HCN1: variants seen among roughly 807,000 people sequenced by gnomAD.
The protein encoded by HCN1 is potassium/sodium hyperpolarization-activated cyclic nucleotide-gated channel 1.
A neutral mutation model predicts 78.9 loss-of-function variants in HCN1; 13 were observed. The observed-to-expected ratio is 0.16, with a 90% confidence interval of 0.11 to 0.26. HCN1 has a LOEUF of 0.26. HCN1 is among the 10% of genes least tolerant of loss of function. HCN1 has a pLI of 1.00. For synonymous variants in HCN1, 552 were observed against 455.5 expected (o/e 1.21, Z -2.70); for missense variants, 810 against 1,154.3 (o/e 0.70, Z 4.32).
chr5:45,347,653 T>A (rs1167241266), intron 5 of HCN1, among the ~76,000 whole-genome samples: 1 of 151,780 alleles, frequency 6.6e-6, no homozygotes, highest in Non-Finnish European at 1.5e-5. Context: ...GAATAACCAA[T>A]ATAGAGAAGT....
chr5:45,635,172 A>G (rs1370859559), intron 2 of HCN1, among the ~76,000 whole-genome samples: 1 of 152,090 alleles, frequency 6.6e-6, no homozygotes, highest in African/African-American at 2.4e-5. Flanking sequence ...TTATATAAAT[A>G]TGCTCTTTAG....
chr5:45,381,485 T>C (rs1016145795), intron 4 of HCN1, among the ~76,000 whole-genome samples: 8 of 152,148 alleles, frequency 5.3e-5, no homozygotes, highest in African/African-American at 1.9e-4. Flanking sequence ...CTCTCATTCA[T>C]GTAAAGTTAG....
chr5:45,431,949 A>G (rs138674107), intron 3 of HCN1, among the ~76,000 whole-genome samples: 79 of 152,294 alleles, frequency 5.2e-4, no homozygotes, highest in Non-Finnish European at 7.8e-4. Context: ...ATTTTAAAAT[A>G]GCTTTTTTCT....
intron 1 of HCN1, among the ~76,000 whole-genome samples, chr5:45,654,520 T>C (rs1745732071): frequency 6.6e-6 from 1 of 152,144 alleles, no homozygotes; most frequent in African/African-American, 2.4e-5. Flanking sequence ...ATACTGTCAG[T>C]GGTCATGTCG....
intron 1 of HCN1, among the ~76,000 whole-genome samples, chr5:45,693,615 A>G (rs1349940754): frequency 2.0e-5 from 3 of 152,102 alleles, no homozygotes. Context: ...TATTAAAGAG[A>G]TATTTTGTCT....
chr5:45,344,747 G>A (rs189586398), intron 5 of HCN1, among the ~76,000 whole-genome samples: 4 of 152,328 alleles, frequency 2.6e-5, no homozygotes, highest in Admixed American at 2.6e-4. Context: ...CTCTATCCCT[G>A]TGGTTTTGCA....
chr5:45,271,309 G>T (rs1744954220), intron 6 of HCN1, among the ~76,000 whole-genome samples: 1 of 151,546 alleles, frequency 6.6e-6, no homozygotes, highest in East Asian at 1.9e-4. Flanking sequence ...GTAGAGTGCT[G>T]TTTGGGGCAT....
chr5:45,671,114 A>G (rs1746142298), intron 1 of HCN1, among the ~76,000 whole-genome samples: 1 of 151,606 alleles, frequency 6.6e-6, no homozygotes, highest in Non-Finnish European at 1.5e-5. Flanking sequence ...AGAGAAAACA[A>G]GTTTATTTTC....
At chr5:45,396,813 G>GA (rs1398440781) in intron 3 of HCN1, 103 bp from the exon 4 acceptor site, 1 of 851,502 alleles carries the variant, frequency 1.2e-6, no homozygotes, top group Non-Finnish European at 2.0e-6. Flanking sequence ...CTGAATACTG[G>GA]AAAAATCCTT....
At chr5:45,397,866 G>T (rs1739716220) in intron 3 of HCN1, among the ~76,000 whole-genome samples, 1 of 151,360 alleles carries the variant, frequency 6.6e-6, no homozygotes, top group African/African-American at 2.4e-5. Flanking sequence ...TCATTTCTTA[G>T]ATTATCAAAA....
intron 1 of HCN1, among the ~76,000 whole-genome samples, chr5:45,676,211 C>T (rs957614587): frequency 1.3e-5 from 2 of 151,680 alleles, no homozygotes; most frequent in Non-Finnish European, 2.9e-5. Context: ...CCAGTATGAC[C>T]TGCTTTTTCA....
intron 5 of HCN1, among the ~76,000 whole-genome samples, chr5:45,318,054 C>T (rs1746035349): frequency 6.6e-6 from 1 of 152,136 alleles, no homozygotes; most frequent in Non-Finnish European, 1.5e-5. Flanking sequence ...AGCCAGCCAT[C>T]CCATTATTGG....
intron 2 of HCN1, among the ~76,000 whole-genome samples, chr5:45,522,541 T>C (rs1227644167): frequency 1.3e-5 from 2 of 151,878 alleles, no homozygotes; most frequent in African/African-American, 4.8e-5. Context: ...TTAAATTGCC[T>C]GCAGTTTTAC....
At chr5:45,456,803 T>C (rs891218361) in intron 3 of HCN1, among the ~76,000 whole-genome samples, 4 of 152,056 alleles carry the variant, frequency 2.6e-5, no homozygotes, top group African/African-American at 7.2e-5. Flanking sequence ...GAATGACTAA[T>C]TGACTTATCC....
chr5:45,635,618 TAAC>T (rs1745342723), intron 2 of HCN1, among the ~76,000 whole-genome samples: 2 of 152,152 alleles, frequency 1.3e-5, no homozygotes, highest in Non-Finnish European at 2.9e-5. Flanking sequence ...ATGGCAGACT[TAAC>T]TCAAAATAGC....
chr5:45,432,414 C>T (rs764985848), intron 3 of HCN1, among the ~76,000 whole-genome samples: 1 of 151,884 alleles, frequency 6.6e-6, no homozygotes, highest in Non-Finnish European at 1.5e-5. Flanking sequence ...CATTTGGATG[C>T]TTTTTCTTTC....
intron 6 of HCN1, among the ~76,000 whole-genome samples, chr5:45,297,832 A>T (rs1745530963): frequency 6.6e-6 from 1 of 152,066 alleles, no homozygotes. Flanking sequence ...AATTCACCAC[A>T]TTGACAGACT....
chr5:45,300,421 T>A (rs2111899568), intron 6 of HCN1, among the ~76,000 whole-genome samples: 1 of 152,172 alleles, frequency 6.6e-6, no homozygotes, highest in Non-Finnish European at 1.5e-5. Flanking sequence ...ATAAAAATGA[T>A]GAGGATGAAG....
chr5:45,494,113 C>A lies in HCN1; in HGVS notation c.850-32106G>T, dbSNP rs1330141041. On this transcript the variant is annotated intron_variant, in intron 2 of 7. Transcript: ENST00000303230. ...TGATTTATAGTCCTTTGGGTATATA[C>A]CCAGTAATGGGATGGCTGGGTTAAA... Among the ~76,000 whole-genome samples, 12 of 152,134 alleles carry A rather than the reference C, an allele frequency of 7.9e-5. No individual in the cohort carries two copies. The East Asian group carries it at 1.9e-3, about 25-fold the overall frequency.
Sources: gnomAD v4.1 joint callset for allele counts (sites outside exome capture counted in the v4.1 genomes callset) on GRCh38, gnomAD v4.1.1 for gene constraint, MANE v1.5 for transcripts, NCBI Gene and HGNC (gene_info 2026-07-23, HGNC 2026-07-21) for gene names.